The following CLVS1 variants were observed in gnomAD, a reference collection of about 807,000 sequenced individuals.
The protein encoded by CLVS1 is clavesin 1.
In CLVS1, 10 loss-of-function variants were observed where a neutral mutation model predicts 33.1. The ratio of observed to expected loss-of-function variants is 0.30; its 90% confidence interval spans 0.19 to 0.51. CLVS1 has a LOEUF of 0.51. Among genes scored for constraint, CLVS1 ranks in the 20% least tolerant of loss-of-function variants. The pLI, the probability that CLVS1 is intolerant of heterozygous loss-of-function variation, is 0.97. For synonymous variants in CLVS1, 163 were observed against 166.1 expected (o/e 0.98, Z 0.14); for missense variants, 343 against 433.4 (o/e 0.79, Z 1.85).
chr8:61,414,416 T>C (rs1423141540), intron 3 of CLVS1, among the ~76,000 whole-genome samples: 1 of 151,690 alleles, frequency 6.6e-6, no homozygotes, highest in Non-Finnish European at 1.5e-5. Context: ...GTTTTTTTTT[T>C]TTCATATTTT....
chr8:61,494,631 A>C (rs917895998), intron 5 of CLVS1, among the ~76,000 whole-genome samples: 40 of 115,122 alleles, frequency 3.5e-4, no homozygotes, highest in African/African-American at 1.3e-3. Flanking sequence ...ATTCCTAAGC[A>C]CTCTGTTCAG....
chr8:61,114,235 T>A (rs1173749957), intron 1 of CLVS1, among the ~76,000 whole-genome samples: 3 of 152,256 alleles, frequency 2.0e-5, no homozygotes, highest in African/African-American at 7.2e-5. Context: ...GGTGGCAGAC[T>A]ATAGTTGCTT....
At chr8:61,229,160 G>T (rs1198022932) in intron 2 of CLVS1, among the ~76,000 whole-genome samples, 1 of 152,156 alleles carries the variant, frequency 6.6e-6, no homozygotes, top group Non-Finnish European at 1.5e-5. Flanking sequence ...AAGTTTCCCT[G>T]AATTTCAATG....
At chr8:61,077,498 C>T (rs1402721821) in intron 1 of CLVS1, among the ~76,000 whole-genome samples, 1 of 146,858 alleles carries the variant, frequency 6.8e-6, no homozygotes, top group African/African-American at 2.5e-5. Context: ...ATTATTGAGA[C>T]GGAGTCTCAC....
chr8:61,492,052 G>A lies in CLVS1; in HGVS notation c.978-7403G>A, dbSNP rs1172165339. Among the ~76,000 whole-genome samples the A allele has an allele frequency of 2.6e-5, 4 of 152,288 alleles. No homozygotes were observed. The East Asian group carries it at 5.8e-4, about 22-fold the overall frequency. ...GCGAGTGCTAGTGATGACAGACACT[G>A]ATGTTGTCACCAAAACTCTTTAACA... On this transcript the variant is annotated intron_variant, in intron 5 of 5. Coordinates refer to ENST00000325897, the MANE Select transcript of CLVS1 (RefSeq NM_173519.3).
intron 5 of CLVS1, among the ~76,000 whole-genome samples, chr8:61,497,168 G>A (rs1395532178): frequency 1.3e-5 from 2 of 152,096 alleles, no homozygotes; most frequent in African/African-American, 4.8e-5. Context: ...TTTTGATAAT[G>A]TCTTCCTAAC....
intron 2 of CLVS1, among the ~76,000 whole-genome samples, chr8:61,195,911 A>G (rs572087975): frequency 6.6e-6 from 1 of 152,164 alleles, no homozygotes; most frequent in African/African-American, 2.4e-5. Flanking sequence ...TAATTAAAAC[A>G]TCTGTGTACA....
At chr8:61,470,050 G>A (rs1366012665) in intron 5 of CLVS1, among the ~76,000 whole-genome samples, 1 of 152,202 alleles carries the variant, frequency 6.6e-6, no homozygotes, top group East Asian at 1.9e-4. Flanking sequence ...TTCCACAGAT[G>A]CCAATAGGAA....
intron 2 of CLVS1, among the ~76,000 whole-genome samples, chr8:61,324,366 C>T (rs1029963558): frequency 3.3e-5 from 5 of 152,064 alleles, no homozygotes; most frequent in African/African-American, 7.2e-5. Flanking sequence ...TCTCTTGCTG[C>T]CACCCTGGAA....
At chr8:61,075,327 A>G (rs1804891058) in intron 1 of CLVS1, among the ~76,000 whole-genome samples, 1 of 152,192 alleles carries the variant, frequency 6.6e-6, no homozygotes, top group Non-Finnish European at 1.5e-5. Flanking sequence ...AACAGGACCA[A>G]AAGTTCAAAA....
intron 3 of CLVS1, among the ~76,000 whole-genome samples, chr8:61,424,600 G>A (rs757609526): frequency 5.3e-5 from 8 of 152,122 alleles, no homozygotes; most frequent in African/African-American, 1.9e-4. Flanking sequence ...ATTAGAGCAC[G>A]TATAATAGTG....
At chr8:61,232,023 G>GTTTGTTTTTTTTTTTTTTTTTT in intron 2 of CLVS1, among the ~76,000 whole-genome samples, 5 of 62,656 alleles carry the variant, frequency 8.0e-5, no homozygotes, top group East Asian at 7.0e-4. Flanking sequence ...GAAAGTTGTG[G>GTTTGTTTTTTTTTTTTTTTTTT]TTTTTTTTTT....
intron 1 of CLVS1, among the ~76,000 whole-genome samples, chr8:61,111,151 A>T (rs568333899): frequency 6.6e-6 from 1 of 152,350 alleles, no homozygotes; most frequent in African/African-American, 2.4e-5. Context: ...GATTCCTGAA[A>T]AAAGTAGGAA....
At chr8:61,121,819 A>G (rs956361673) in intron 1 of CLVS1, among the ~76,000 whole-genome samples, 112 of 152,252 alleles carry the variant, frequency 7.4e-4, no homozygotes, top group Non-Finnish European at 7.3e-5. Context: ...CACTTGCTTA[A>G]GATAGCACAG....
intron 3 of CLVS1, among the ~76,000 whole-genome samples, chr8:61,387,864 T>A (rs1435672812): frequency 6.6e-6 from 1 of 152,218 alleles, no homozygotes; most frequent in Admixed American, 6.5e-5. Flanking sequence ...ATTTTCTTTA[T>A]CCACTTGTTG....
At chr8:61,126,406 T>C (rs1805973823) in intron 1 of CLVS1, among the ~76,000 whole-genome samples, 1 of 152,232 alleles carries the variant, frequency 6.6e-6, no homozygotes, top group Non-Finnish European at 1.5e-5. Context: ...TGGGGTTCCA[T>C]TGCCTGGGTT....
At chr8:61,327,519 A>T (rs1420512580) in intron 2 of CLVS1, among the ~76,000 whole-genome samples, 3 of 152,204 alleles carry the variant, frequency 2.0e-5, no homozygotes, top group African/African-American at 7.2e-5. Context: ...AGATCATTAC[A>T]TTTAGTTGGC....
intron 5 of CLVS1, among the ~76,000 whole-genome samples, chr8:61,478,623 G>A (rs904907003): frequency 3.3e-5 from 5 of 152,124 alleles, no homozygotes; most frequent in Admixed American, 6.5e-5. Flanking sequence ...TGTTTTATCA[G>A]AGACTAGGAT....
At chr8:61,219,291 C>A (rs1808159466) in intron 2 of CLVS1, among the ~76,000 whole-genome samples, 1 of 151,954 alleles carries the variant, frequency 6.6e-6, no homozygotes, top group Non-Finnish European at 1.5e-5. Context: ...CTCCAAGTTC[C>A]TTTCTCTCAC....
Sources: gnomAD v4.1 joint callset for allele counts (sites outside exome capture counted in the v4.1 genomes callset) on GRCh38, gnomAD v4.1.1 for gene constraint, MANE v1.5 for transcripts, NCBI Gene and HGNC (gene_info 2026-07-23, HGNC 2026-07-21) for gene names.